The following NAA25 variants were observed in gnomAD, a reference collection of about 807,000 sequenced individuals.
The protein encoded by NAA25 is N-terminal acetyltransferase B complex subunit NAA25.
Under a neutral mutation model 132.5 loss-of-function variants are expected in NAA25, and 30 were observed. The ratio of observed to expected loss-of-function variants is 0.23; its 90% CI spans 0.17 to 0.31. The LOEUF is 0.31. NAA25 is among the 10% of genes least tolerant of loss of function. The pLI, the probability that NAA25 is intolerant of heterozygous loss-of-function variation, is 1.00. For missense variants in NAA25, 771 were observed against 1,150.4 expected (o/e 0.67, Z 4.77); for synonymous variants, 359 against 401.9 (o/e 0.89, Z 1.28).
intron 12 of NAA25, 71 bp from the exon 13 acceptor site, chr12:112,060,430 A>G: frequency 1.0e-6 from 1 of 998,908 alleles, no homozygotes; most frequent in Non-Finnish European, 1.5e-6. Context: ...GAGTTTTTAA[A>G]AGCAGGAAAG....
intron 2 of NAA25, 151 bp from the exon 3 acceptor site, chr12:112,091,015 C>G: frequency 1.4e-6 from 1 of 717,004 alleles, no homozygotes; most frequent in Non-Finnish European, 2.2e-6. Context: ...CATCTGTAAT[C>G]CCGGCACTTT....
intron 15 of NAA25, among the ~76,000 whole-genome samples, chr12:112,052,223 G>C (rs1180668361): frequency 1.3e-5 from 2 of 152,064 alleles, no homozygotes; most frequent in Non-Finnish European, 2.9e-5. Flanking sequence ...AAAATTCATA[G>C]GTTTATAGCT....
chr12:112,071,665 T>A (rs924737701), intron 10 of NAA25, among the ~76,000 whole-genome samples: 7 of 152,156 alleles, frequency 4.6e-5, no homozygotes, highest in South Asian at 4.1e-4. Context: ...AGCAACAGAA[T>A]GCCTGACAAA....
chr12:112,053,435 A>G (rs2078495844), intron 15 of NAA25, 123 bp downstream of exon 15: 2 of 709,276 alleles, frequency 2.8e-6, no homozygotes, highest in Middle Eastern at 2.5e-4. Flanking sequence ...CTTTGGTCTA[A>G]GGGCACTTGC....
Position 112,061,211 on chromosome 12 carries a change from T to C in NAA25, c.1327A>G (p.Met443Val). Reference protein sequence around the residue: ...NQKLSVVRELMLRYQHGLEFG... With the variant: ...NQKLSVVRELVLRYQHGLEFG... ...TCCAGTCCATGCTGGTACCTTAACA[T>C]CAATTCTCTGACCACACTCAATTTC... The change falls in exon 12 of 24, where the codon ATG becomes GTG. Residue 443 changes from methionine to valine, a missense_variant. Physicochemically the swap from Met to Val is conservative, Grantham distance 21. Coordinates refer to ENST00000261745, the MANE Select transcript of NAA25 (RefSeq NM_024953.4). 1 of 1,613,856 alleles carries C rather than the reference T, an allele frequency of 6.2e-7. No individual in the cohort carries two copies.
chr12:112,057,904 C>T (rs935713927), intron 13 of NAA25, among the ~76,000 whole-genome samples: 3 of 152,148 alleles, frequency 2.0e-5, no homozygotes, highest in African/African-American at 7.2e-5. Flanking sequence ...TCACTTGAAC[C>T]TGGGAGGCAG....
At chr12:112,053,416 G>A (rs763955496) in intron 15 of NAA25, 142 bp downstream of exon 15, 5 of 619,576 alleles carry the variant, frequency 8.1e-6, no homozygotes, top group African/African-American at 3.7e-5. Context: ...ACCAGCCTTG[G>A]ACAGTAAGCT....
At chr12:112,033,129 A>C in intron 23 of NAA25, 104 bp downstream of exon 23, 1 of 1,312,196 alleles carries the variant, frequency 7.6e-7, no homozygotes, top group Non-Finnish European at 1.0e-6. Context: ...TAAAGAGGAA[A>C]TGATAAATTG....
At chr12:112,070,403 A>G (rs1167553598) in intron 10 of NAA25, among the ~76,000 whole-genome samples, 4 of 152,142 alleles carry the variant, frequency 2.6e-5, no homozygotes. Context: ...TTTTCTCTTC[A>G]GTTATAAATT....
chr12:112,099,681 G>T (rs916146313), intron 1 of NAA25, among the ~76,000 whole-genome samples: 33 of 152,178 alleles, frequency 2.2e-4, no homozygotes, highest in Non-Finnish European at 2.9e-4. Flanking sequence ...GCAGGCAGCA[G>T]CAGGCCTGGA....
chr12:112,039,329 A>T lies in NAA25; in HGVS notation c.2549T>A (p.Val850Asp). 1 of 1,603,104 alleles carries T rather than the reference A, an allele frequency of 6.2e-7. No individual in the cohort carries two copies. The highest frequency in any genetic ancestry group is 8.5e-7 in the Non-Finnish European group (1 of 1,172,740). ...ACAGTAACTGGATACCCAAAGGATA[A>T]CAGAAATAGTCTGAAAGGAAAAATT... ...NLVFFVETIS[V>D]ILWVSSYCES... The change falls in exon 22 of 24, where the codon GTT (valine) becomes GAT (aspartate). Residue 850 changes from valine to aspartate, a missense_variant. Physicochemically the swap from Val to Asp is radical, Grantham distance 152. This residue lies in a region of NAA25 where 324 missense variants were observed against 400.0 expected (regional missense o/e 0.81). Transcript: ENST00000261745.
chr12:112,095,619 CAA>C (rs56359298), intron 1 of NAA25, among the ~76,000 whole-genome samples: 131 of 79,058 alleles, frequency 1.7e-3, no homozygotes, highest in African/African-American at 5.8e-3. Flanking sequence ...AACAAACAAA[CAA>C]AAAAAAAAAA....
intron 17 of NAA25, 22 bp downstream of exon 17, chr12:112,047,643 C>T: frequency 6.2e-7 from 1 of 1,601,574 alleles, no homozygotes. Context: ...TTAAAAATTG[C>T]TTGGGGTTAA....
intron 3 of NAA25, among the ~76,000 whole-genome samples, chr12:112,088,317 GTTTTTTT>G (rs1025838850): frequency 5.3e-5 from 4 of 75,580 alleles, no homozygotes; most frequent in African/African-American, 1.7e-4. Context: ...GTATATTGTA[GTTTTTTT>G]TTTTTTTTTT....
rs981431462 is a variant in NAA25 at position 112,041,887 on chromosome 12, G to A, written c.2440+152C>T. ...TCTGTATTTTCATTCACACACATAT[G>A]TGTTTAGGTGGCATCTAGGAGTATT... is the stretch of plus-strand genomic sequence containing the variant. On this transcript the variant is annotated intron_variant, in intron 20 of 23. Transcript: ENST00000261745. 8.8e-5 allele frequency: 45 copies of A among 510,402 alleles called. No individual in the cohort carries two copies. The East Asian group carries it at 1.7e-3, about 19-fold the overall frequency. 31.6% of individuals were successfully genotyped at this position (510,402 alleles called of 1,614,324 possible).
intron 1 of NAA25, among the ~76,000 whole-genome samples, chr12:112,098,409 C>T (rs1429929340): frequency 6.6e-6 from 1 of 152,168 alleles, no homozygotes; most frequent in Non-Finnish European, 1.5e-5. Context: ...GATTAATTAG[C>T]TGCTAAGTCT....
At chr12:112,100,024 T>C (rs775620183) in intron 1 of NAA25, among the ~76,000 whole-genome samples, 10 of 152,230 alleles carry the variant, frequency 6.6e-5, no homozygotes, top group Non-Finnish European at 1.3e-4. Context: ...GCCTTGCTTT[T>C]ACCATGAATA....
intron 10 of NAA25, 66 bp downstream of exon 10, chr12:112,071,829 C>A: frequency 6.2e-6 from 7 of 1,125,726 alleles, no homozygotes; most frequent in East Asian, 3.0e-5. Context: ...TAGATCTCAA[C>A]TAATGAATAT....
chr12:112,042,532 A>C (rs1032655761), intron 19 of NAA25, among the ~76,000 whole-genome samples: 1 of 151,488 alleles, frequency 6.6e-6, no homozygotes, highest in African/African-American at 2.4e-5. Flanking sequence ...TTTGAGACAA[A>C]GTCTCGCTCT....
Sources: gnomAD v4.1 joint callset for allele counts (sites outside exome capture counted in the v4.1 genomes callset) on GRCh38, gnomAD v4.1.1 for gene constraint, gnomAD v4.1.1 regional missense constraint, MANE v1.5 for transcripts, NCBI Gene and HGNC (gene_info 2026-07-23, HGNC 2026-07-21) for gene names.